The following TENM4 variants were observed in gnomAD, a reference collection of about 807,000 sequenced individuals.
TENM4 encodes teneurin transmembrane protein 4.
In TENM4, 82 loss-of-function variants were observed where a neutral mutation model predicts 243.3. That is an observed-to-expected ratio of 0.34 (90% confidence interval 0.28 to 0.40). The LOEUF (loss-of-function observed/expected upper bound fraction) is 0.40. Ranked by LOEUF, TENM4 falls within the 10% of genes least tolerant of loss-of-function variation. The pLI is 1.00. For missense variants in TENM4, 3,138 were observed against 3,673.3 expected, an observed-to-expected ratio of 0.85 and a Z score of 3.77; for synonymous variants, 1,412 against 1,456.3, an observed-to-expected ratio of 0.97 and a Z score of 0.69.
chr11:78,903,598 C>T (rs1349409189), intron 6 of TENM4, 75 bp from the exon 7 acceptor site: 8 of 1,530,110 alleles, frequency 5.2e-6, no homozygotes, highest in Admixed American at 2.1e-5. Context: ...CCACGGAGGT[C>T]TGAGCAAGAC....
At chr11:79,103,637 G>T (rs1861287662) in intron 4 of TENM4, among the ~76,000 whole-genome samples, 1 of 152,104 alleles carries the variant, frequency 6.6e-6, no homozygotes, top group Non-Finnish European at 1.5e-5. Flanking sequence ...AACAAACAAA[G>T]CACTACCTTA....
Position 78,653,847 on chromosome 11 carries a change from A to G in TENM4, c.*4211T>C, listed in dbSNP as rs1431275130. ...CGCCTGGGCCTTCCCACACTCTGAT[A>G]TTCCACATTCGTAATGAAACCTAAG... On this transcript the variant is annotated 3_prime_UTR_variant, in exon 34 of 34. Coordinates refer to ENST00000278550, the MANE Select transcript of TENM4 (RefSeq NM_001098816.3). 2 of 152,280 alleles carry G rather than the reference A, an allele frequency of 1.3e-5. No individual in the cohort carries two copies. Among genetic ancestry groups the G allele is most frequent in the Non-Finnish European group, 2.9e-5 (2 of 68,070 alleles). 9.4% of individuals were successfully genotyped at this position (152,280 alleles called of 1,614,324 possible).
At chr11:79,012,683 G>C (rs1027441638) in intron 6 of TENM4, among the ~76,000 whole-genome samples, 4 of 152,206 alleles carry the variant, frequency 2.6e-5, no homozygotes, top group Admixed American at 6.5e-5. Flanking sequence ...GGTACAGGAT[G>C]ATGTTTACTG....
chr11:78,764,717 T>C (rs941573427), intron 18 of TENM4, among the ~76,000 whole-genome samples: 6 of 152,244 alleles, frequency 3.9e-5, no homozygotes, highest in African/African-American at 1.2e-4. Flanking sequence ...GGACCTGTGT[T>C]AGGCACTGGA....
At chr11:79,151,301 T>C (rs1862507054) in intron 3 of TENM4, among the ~76,000 whole-genome samples, 1 of 152,198 alleles carries the variant, frequency 6.6e-6, no homozygotes, top group Non-Finnish European at 1.5e-5. Context: ...TCTACAATGA[T>C]ATGAAACCAT....
chr11:78,728,730 A>G (rs988054334), intron 22 of TENM4, among the ~76,000 whole-genome samples: 2 of 151,978 alleles, frequency 1.3e-5, no homozygotes, highest in East Asian at 1.9e-4. Flanking sequence ...TGGTGGATCA[A>G]CTCCGCAGGG....
At chr11:79,128,759 G>T (rs1253528652) in intron 4 of TENM4, among the ~76,000 whole-genome samples, 1 of 152,216 alleles carries the variant, frequency 6.6e-6, no homozygotes, top group Non-Finnish European at 1.5e-5. Context: ...TGTGCACTTT[G>T]CATGGAAGGA....
At chr11:78,968,820 G>A (rs182042147) in intron 6 of TENM4, among the ~76,000 whole-genome samples, 2 of 152,314 alleles carry the variant, frequency 1.3e-5, no homozygotes, top group East Asian at 3.9e-4. Context: ...GGTGGTGAGA[G>A]TGAAATTCAT....
intron 3 of TENM4, among the ~76,000 whole-genome samples, chr11:79,160,525 A>G (rs1591323252): frequency 1.3e-5 from 2 of 151,960 alleles, no homozygotes; most frequent in African/African-American, 4.8e-5. Context: ...CATCTCGGAG[A>G]GCAGCAGACT....
chr11:78,854,948 G>A (rs1858642195), intron 11 of TENM4, among the ~76,000 whole-genome samples: 2 of 152,224 alleles, frequency 1.3e-5, no homozygotes, highest in African/African-American at 2.4e-5. Flanking sequence ...CCAATTGATC[G>A]GAGACTGCTT....
rs900179285 is a variant in TENM4, at chr11:78,670,216, G to A, written c.6129C>T (p.Thr2043=). 5 of 1,613,936 alleles carry A rather than the reference G, an allele frequency of 3.1e-6. No individual in the cohort carries two copies. The highest frequency in any genetic ancestry group is 4.2e-6 in the Non-Finnish European group (5 of 1,179,870). ...TYDETAGMLK[T]INLQNEGFTC... ...TGAAGCCCTCATTCTGTAGGTTGAT[G>A]GTCTTCAGCATGCCTGCCGTCTCGT... Residue 2043 remains threonine, a synonymous_variant, in exon 32 of 34, where the codon ACC becomes ACT. Coordinates refer to ENST00000278550, the MANE Select transcript of TENM4 (RefSeq NM_001098816.3).
At chr11:79,038,869 C>G (rs1859449754) in intron 6 of TENM4, among the ~76,000 whole-genome samples, 1 of 151,998 alleles carries the variant, frequency 6.6e-6, no homozygotes, top group Admixed American at 6.6e-5. Context: ...AAAGAGCTTT[C>G]ATACTGATGG....
At chr11:78,740,876 T>G (rs78988204) in intron 19 of TENM4, among the ~76,000 whole-genome samples, 2,436 of 152,334 alleles carry the variant, frequency 0.016, 77 homozygotes, top group African/African-American at 0.056. Context: ...TCGGCACCAT[T>G]TGGCTACCAT....
intron 3 of TENM4, among the ~76,000 whole-genome samples, chr11:79,156,954 A>G (rs1302304530): frequency 6.6e-6 from 1 of 152,122 alleles, no homozygotes; most frequent in Admixed American, 6.5e-5. Flanking sequence ...GTTGGGCAGG[A>G]GTGGGGACCC....
At chr11:79,210,328 C>T (rs916002074) in intron 3 of TENM4, among the ~76,000 whole-genome samples, 11 of 152,132 alleles carry the variant, frequency 7.2e-5, no homozygotes, top group East Asian at 3.8e-4. Flanking sequence ...GCAAGCAACA[C>T]GAAAGCAGGG....
At chr11:79,273,630 C>T (rs550255455) in intron 2 of TENM4, among the ~76,000 whole-genome samples, 27 of 152,278 alleles carry the variant, frequency 1.8e-4, no homozygotes, top group African/African-American at 3.4e-4. Flanking sequence ...AGCTAGTACA[C>T]GGTGGAGCCG....
At chr11:78,795,064 T>C (rs943106386) in intron 15 of TENM4, among the ~76,000 whole-genome samples, 1 of 152,168 alleles carries the variant, frequency 6.6e-6, no homozygotes, top group Non-Finnish European at 1.5e-5. Flanking sequence ...GCCATTTCCA[T>C]AGTCTGGGCT....
At chr11:78,782,638 C>A (rs548001096) in intron 16 of TENM4, among the ~76,000 whole-genome samples, 1 of 152,112 alleles carries the variant, frequency 6.6e-6, no homozygotes, top group Non-Finnish European at 1.5e-5. Flanking sequence ...TGGTGGTGCA[C>A]ACCTATAGTC....
intron 4 of TENM4, among the ~76,000 whole-genome samples, chr11:79,099,930 G>A (rs896471961): frequency 5.3e-5 from 8 of 152,208 alleles, no homozygotes; most frequent in African/African-American, 1.9e-4. Context: ...CATTTGTGCA[G>A]CCATTTGCTG....
Sources: allele counts gnomAD v4.1 joint callset (sites outside exome capture counted in the v4.1 genomes callset), GRCh38; gene constraint gnomAD v4.1.1; transcripts MANE v1.5; gene names NCBI Gene and HGNC (gene_info 2026-07-23, HGNC 2026-07-21).